Variants in CNTNAP4 observed in about 807,000 individuals in gnomAD.
CNTNAP4 encodes the protein contactin associated protein family member 4.
A neutral mutation model predicts 148.4 loss-of-function variants in CNTNAP4; 98 were observed. The observed-to-expected ratio is 0.66, with a 90% CI of 0.56 to 0.78. CNTNAP4 has a LOEUF of 0.78. Among genes scored for constraint, CNTNAP4 ranks in the 30% least tolerant of loss-of-function variants. CNTNAP4 has a pLI of 0.00. For synonymous variants in CNTNAP4, 730 were observed against 565.1 expected (o/e 1.29, Z -4.14); for missense variants, 1,935 against 1,565.6 (o/e 1.24, Z -3.98).
chr16:76,369,596 C>T (rs1375135151), intron 3 of CNTNAP4, among the ~76,000 whole-genome samples: 1 of 152,224 alleles, frequency 6.6e-6, no homozygotes, highest in African/African-American at 2.4e-5. Context: ...AATCCCTGCC[C>T]TTTGGGAAGC....
intron 23 of CNTNAP4, among the ~76,000 whole-genome samples, chr16:76,554,739 G>A (rs994757214): frequency 1.3e-5 from 2 of 151,136 alleles, no homozygotes; most frequent in South Asian, 4.2e-4. Context: ...TAAAGTTTTT[G>A]TGCCAGTAAT....
chr16:76,531,003 G>T (rs945268105), intron 17 of CNTNAP4, among the ~76,000 whole-genome samples: 7 of 152,152 alleles, frequency 4.6e-5, no homozygotes, highest in Non-Finnish European at 8.8e-5. Flanking sequence ...GTTAATTTGT[G>T]GTTGAGGCTT....
At chr16:76,457,632 C>G (rs2080785227) in intron 8 of CNTNAP4, among the ~76,000 whole-genome samples, 1 of 152,074 alleles carries the variant, frequency 6.6e-6, no homozygotes, top group African/African-American at 2.4e-5. Flanking sequence ...AGTATGGGTC[C>G]TGGACCAGCA....
intron 4 of CNTNAP4, among the ~76,000 whole-genome samples, chr16:76,445,170 C>T (rs2080193020): frequency 6.6e-6 from 1 of 152,088 alleles, no homozygotes; most frequent in South Asian, 2.1e-4. Context: ...TAGAGGGTGG[C>T]AAGATTACTG....
At chr16:76,475,642 A>G (rs1218846672) in intron 10 of CNTNAP4, among the ~76,000 whole-genome samples, 8 of 152,186 alleles carry the variant, frequency 5.3e-5, no homozygotes, top group Admixed American at 4.6e-4. Flanking sequence ...TATGCTGTTG[A>G]TATTTCTGCC....
intron 3 of CNTNAP4, among the ~76,000 whole-genome samples, chr16:76,420,283 ATTAAT>A: frequency 1.5e-5 from 1 of 65,956 alleles, no homozygotes; most frequent in East Asian, 5.2e-4. Context: ...GGAGATAAAT[ATTAAT>A]TTCCCTTTAA....
chr16:76,473,845 T>C (rs1036890443), intron 10 of CNTNAP4, among the ~76,000 whole-genome samples: 37 of 6,654 alleles, frequency 5.6e-3, no homozygotes, highest in Admixed American at 0.015. Context: ...TGTAGGTTTT[T>C]TTTTTGTTTT....
chr16:76,436,283 A>G (rs533873815), intron 4 of CNTNAP4, among the ~76,000 whole-genome samples: 4 of 152,252 alleles, frequency 2.6e-5, no homozygotes, highest in Middle Eastern at 6.8e-3. Context: ...CTGGCAAGAA[A>G]GGTTCATCAG....
chr16:76,558,916 T>A lies in CNTNAP4; in HGVS notation c.*233T>A. On this transcript the variant is annotated 3_prime_UTR_variant, in exon 24 of 24. Transcript: ENST00000611870. ...GATATTGCTGTTAATTTTCAACTGT[T>A]CTGGTATGATCTAAAACAAGTTTAA... 2.9e-6 allele frequency: 1 copy of A among 349,080 alleles called. No individual in the cohort carries two copies. Among genetic ancestry groups the A allele is most frequent in the Non-Finnish European group, 5.1e-6 (1 of 194,334 alleles). The allele number at this position is 349,080 out of a possible 1,614,324, so 21.6% of individuals were successfully genotyped here. A position where few individuals can be genotyped will look rare whatever the true frequency, so the allele number is the denominator to read the frequency against.
At chr16:76,431,973 C>T (rs2079626102) in intron 4 of CNTNAP4, among the ~76,000 whole-genome samples, 1 of 152,044 alleles carries the variant, frequency 6.6e-6, no homozygotes, top group Admixed American at 6.6e-5. Context: ...ACTCCAAGCC[C>T]TCTGAGTTGA....
chr16:76,413,733 C>T (rs532338695), intron 3 of CNTNAP4, among the ~76,000 whole-genome samples: 1 of 151,254 alleles, frequency 6.6e-6, no homozygotes, highest in South Asian at 2.1e-4. Context: ...GACATCTTTT[C>T]AATATGTATT....
intron 1 of CNTNAP4, among the ~76,000 whole-genome samples, chr16:76,297,889 T>C (rs575520729): frequency 2.6e-4 from 39 of 152,214 alleles, no homozygotes; most frequent in Non-Finnish European, 5.6e-4. Context: ...GATACTAAAT[T>C]AGAATCAGAA....
intron 21 of CNTNAP4, among the ~76,000 whole-genome samples, chr16:76,547,868 G>C (rs2084802230): frequency 6.6e-6 from 1 of 152,188 alleles, no homozygotes; most frequent in South Asian, 2.1e-4. Context: ...AAGAGCTTTA[G>C]AGACAATCTT....
chr16:76,442,685 C>G (rs915156322), intron 4 of CNTNAP4, among the ~76,000 whole-genome samples: 2 of 152,036 alleles, frequency 1.3e-5, no homozygotes, highest in Admixed American at 6.6e-5. Flanking sequence ...CTCATGAGAA[C>G]TAATCAGTCT....
chr16:76,360,847 C>T lies in CNTNAP4; in HGVS notation c.390+5336C>T, dbSNP rs555484348. ...TTTTTTTTTTTTTGAGATGGAGTCT[C>T]GCTCTGTTGCCCAGGCTGGAGTGCA... On this transcript the variant is annotated intron_variant, in intron 3 of 23. Transcript: ENST00000611870. 4.3e-3 allele frequency among the ~76,000 whole-genome samples: 558 copies of T among 130,130 alleles called. 2 individuals carry two copies. Among genetic ancestry groups the T allele is most frequent in the Non-Finnish European group, 5.6e-3 (364 of 64,770 alleles). 85.4% of individuals were successfully genotyped at this position (130,130 alleles called of 152,430 possible). A position where few individuals can be genotyped will look rare whatever the true frequency, so the allele number is the denominator to read the frequency against.
At chr16:76,426,849 C>A (rs2079422251) in intron 3 of CNTNAP4, among the ~76,000 whole-genome samples, 1 of 152,108 alleles carries the variant, frequency 6.6e-6, no homozygotes, top group Non-Finnish European at 1.5e-5. Flanking sequence ...ACAGGTCTTT[C>A]CAAATTATTA....
intron 21 of CNTNAP4, among the ~76,000 whole-genome samples, chr16:76,546,936 A>C (rs919900716): frequency 1.3e-5 from 2 of 152,182 alleles, no homozygotes; most frequent in Non-Finnish European, 2.9e-5. Context: ...AATGCTTGCT[A>C]ATGGTGATTG....
intron 3 of CNTNAP4, among the ~76,000 whole-genome samples, chr16:76,385,316 T>TC (rs2016411806): frequency 6.6e-6 from 1 of 152,184 alleles, no homozygotes; most frequent in Admixed American, 6.5e-5. Flanking sequence ...TGCTATGTCA[T>TC]CTCACAGGGA....
intron 1 of CNTNAP4, chr16:76,316,065 T>C (rs1567674896): frequency 2.8e-6 from 1 of 359,028 alleles, no homozygotes; most frequent in Non-Finnish European, 4.9e-6. Context: ...GATTTTTCTT[T>C]TTAATTTCTT....
Sources: allele counts gnomAD v4.1 joint callset (sites outside exome capture counted in the v4.1 genomes callset), GRCh38; gene constraint gnomAD v4.1.1; transcripts MANE v1.5; gene names NCBI Gene and HGNC (gene_info 2026-07-23, HGNC 2026-07-21).